The following SLC39A11 variants were observed in gnomAD, a reference collection of about 807,000 sequenced individuals.
The protein encoded by SLC39A11 is zinc transporter ZIP11.
A neutral mutation model predicts 36.1 loss-of-function variants in SLC39A11; 33 were observed. The observed-to-expected ratio is 0.91, with a 90% CI of 0.69 to 1.22. SLC39A11 has a LOEUF of 1.22. SLC39A11 is among the 50% of genes most tolerant of loss of function. The probability of loss-of-function intolerance (pLI) is 0.00; values close to 1 mark genes in which losing one functional copy is unlikely to be tolerated. For synonymous variants in SLC39A11, 166 were observed against 170.3 expected (o/e 0.97, Z 0.20); for missense variants, 432 against 430.3 (o/e 1.00, Z -0.03).
intron 4 of SLC39A11, among the ~76,000 whole-genome samples, chr17:73,020,676 CTTTCTTTTT>C (rs1256207329): frequency 2.1e-3 from 153 of 71,654 alleles, no homozygotes; most frequent in African/African-American, 6.6e-3. Flanking sequence ...CTTTTTGTTT[CTTTCTTTTT>C]TTTTTTTTTT....
At chr17:72,665,708 C>A (rs376361852) in intron 7 of SLC39A11, among the ~76,000 whole-genome samples, 1 of 152,024 alleles carries the variant, frequency 6.6e-6, no homozygotes, top group African/African-American at 2.4e-5. Context: ...TATTCCGTTA[C>A]GCAGCAATAA....
intron 6 of SLC39A11, among the ~76,000 whole-genome samples, chr17:72,777,886 T>C (rs559234822): frequency 4.0e-5 from 6 of 151,764 alleles, no homozygotes; most frequent in African/African-American, 1.5e-4. Flanking sequence ...TGTATGTATG[T>C]ATGTATGTAT....
chr17:72,767,146 T>C lies in SLC39A11; in HGVS notation c.602-30427A>G, dbSNP rs79231951. On this transcript the variant is annotated intron_variant, in intron 6 of 9. Coordinates refer to ENST00000255559, the MANE Select transcript of SLC39A11 (RefSeq NM_139177.4). ...CAGGTTTATTCTCCAAAATAAACCTTTGACTGTTGAGCTGCTTTTTGTGTT... is the reference window on the plus strand; with the variant it reads ...CAGGTTTATTCTCCAAAATAAACCTCTGACTGTTGAGCTGCTTTTTGTGTT... Among the ~76,000 whole-genome samples the C allele has an allele frequency of 4.6e-4, 70 of 152,372 alleles. No homozygotes were observed. The East Asian group carries it at 0.012, about 26-fold the overall frequency.
chr17:72,657,083 C>G (rs967681022), intron 7 of SLC39A11, among the ~76,000 whole-genome samples: 3 of 152,130 alleles, frequency 2.0e-5, no homozygotes, highest in African/African-American at 7.2e-5. Context: ...ATAAATAGGC[C>G]AGGCACGGTG....
intron 7 of SLC39A11, among the ~76,000 whole-genome samples, chr17:72,667,007 G>A (rs539291270): frequency 1.9e-4 from 29 of 152,330 alleles, no homozygotes; most frequent in Non-Finnish European, 3.8e-4. Context: ...ATAATGTCCA[G>A]GGCTTGCTGG....
At chr17:72,906,276 G>A (rs1412513065) in intron 5 of SLC39A11, among the ~76,000 whole-genome samples, 2 of 152,252 alleles carry the variant, frequency 1.3e-5, no homozygotes, top group Admixed American at 6.5e-5. Context: ...GGGAGAAGAG[G>A]AGGAAGTCAG....
At chr17:72,916,318 T>C (rs1354932132) in intron 5 of SLC39A11, among the ~76,000 whole-genome samples, 1 of 152,166 alleles carries the variant, frequency 6.6e-6, no homozygotes, top group Non-Finnish European at 1.5e-5. Flanking sequence ...ACCTTAAGCA[T>C]AAATGAAACC....
At chr17:72,871,112 A>G (rs1274349298) in intron 5 of SLC39A11, among the ~76,000 whole-genome samples, 1 of 138,390 alleles carries the variant, frequency 7.2e-6, no homozygotes, top group Admixed American at 7.8e-5. Context: ...CCCCAGCTGG[A>G]GTGCAGTGGT....
chr17:72,929,726 A>G lies in SLC39A11; in HGVS notation c.430+18026T>C, dbSNP rs145239196. ...ACTCCCTTCCCCTCCAGACCTCTCC[A>G]GTTGTGCCCCGGGGGTCTTGCTACC... On this transcript the variant is annotated intron_variant, in intron 5 of 9. Transcript: ENST00000255559. Among the ~76,000 whole-genome samples the G allele has an allele frequency of 1.1e-3, 166 of 152,262 alleles. 3 individuals are homozygous for G. The East Asian group carries it at 0.024, about 22-fold the overall frequency.
chr17:72,959,973 G>A (rs1349331973), intron 4 of SLC39A11, among the ~76,000 whole-genome samples: 1 of 152,146 alleles, frequency 6.6e-6, no homozygotes, highest in Non-Finnish European at 1.5e-5. Context: ...TGTTTGGTGA[G>A]GTCTATTTCA....
chr17:73,077,617 C>T (rs1489583875), intron 3 of SLC39A11, among the ~76,000 whole-genome samples: 2 of 152,134 alleles, frequency 1.3e-5, no homozygotes, highest in South Asian at 2.1e-4. Context: ...TGTGAGATAT[C>T]GCATCTGGCT....
intron 4 of SLC39A11, among the ~76,000 whole-genome samples, chr17:72,966,601 G>T (rs1235087015): frequency 3.9e-5 from 6 of 151,918 alleles, no homozygotes; most frequent in Non-Finnish European, 8.8e-5. Flanking sequence ...ACGGAGGCTC[G>T]CTCTGTCGCC....
intron 4 of SLC39A11, among the ~76,000 whole-genome samples, chr17:72,955,290 T>C (rs1327222313): frequency 7.7e-6 from 1 of 130,160 alleles, no homozygotes; most frequent in African/African-American, 2.8e-5. Flanking sequence ...CTTTAACTTT[T>C]CAGTTCTCTT....
intron 7 of SLC39A11, among the ~76,000 whole-genome samples, chr17:72,714,396 C>T (rs34835201): frequency 0.13 from 20,121 of 151,676 alleles, 1,361 homozygotes; most frequent in Middle Eastern, 0.18. Flanking sequence ...ATAATAATTG[C>T]GGTTTTTGCC....
At position 72,648,810 on chromosome 17, in the gene SLC39A11, G is replaced by A. The variant is rs1191550291; in HGVS notation, c.922C>T (p.Gln308Ter). The stretch of plus-strand genomic sequence containing the variant: ...GAGGGAAGGTTCTCCAACCTGATCT[G>A]GGCTTCGGGGATGATGTCGTCCATG... ...VVMDDIIPEAQISGNGKLASW... is the reference protein window; with the variant it reads ...VVMDDIIPEA The change falls in exon 9 of 10, where the codon CAG becomes TAG. Residue 308 changes from glutamine to a stop codon, truncating the protein, a stop_gained. Transcript: ENST00000255559. LOFTEE classifies it high-confidence loss of function. The A allele has an allele frequency of 6.2e-7, 1 of 1,614,162 alleles. No homozygotes were observed. The highest frequency in any genetic ancestry group is 8.5e-7 in the Non-Finnish European group (1 of 1,180,036).
At chr17:72,976,025 C>A (rs1041682319) in intron 4 of SLC39A11, among the ~76,000 whole-genome samples, 4 of 151,758 alleles carry the variant, frequency 2.6e-5, no homozygotes, top group Non-Finnish European at 5.9e-5. Context: ...AAAAAATTAG[C>A]CGGGCGTGGT....
intron 6 of SLC39A11, among the ~76,000 whole-genome samples, chr17:72,816,757 T>C (rs1322789500): frequency 6.6e-6 from 1 of 151,988 alleles, no homozygotes; most frequent in Non-Finnish European, 1.5e-5. Flanking sequence ...ACTTAATGGG[T>C]TTTAGGGGAG....
intron 6 of SLC39A11, among the ~76,000 whole-genome samples, chr17:72,778,586 A>C (rs1568076113): frequency 6.6e-6 from 1 of 152,270 alleles, no homozygotes; most frequent in African/African-American, 2.4e-5. Flanking sequence ...TGACAACACA[A>C]AATGATGATG....
intron 6 of SLC39A11, among the ~76,000 whole-genome samples, chr17:72,824,063 C>T: frequency 6.6e-6 from 1 of 151,280 alleles, no homozygotes. Flanking sequence ...CCCTTTTATA[C>T]ATAAACCAGT....
Sources: gnomAD v4.1 joint callset for allele counts (sites outside exome capture counted in the v4.1 genomes callset) on GRCh38, gnomAD v4.1.1 for gene constraint, MANE v1.5 for transcripts, NCBI Gene and HGNC (gene_info 2026-07-23, HGNC 2026-07-21) for gene names.